The following MSTO1 variants were observed in gnomAD, a reference collection of about 807,000 sequenced individuals.
MSTO1 encodes misato mitochondrial distribution and morphology regulator 1, also known as protein misato homolog 1.
MSTO1 carries 24 observed loss-of-function variants against 55.7 expected under a neutral mutation model. That is an observed-to-expected ratio of 0.43 (90% confidence interval 0.31 to 0.61). The LOEUF is 0.61. Ranked by LOEUF, MSTO1 falls within the 20% of genes least tolerant of loss-of-function variation. The pLI is 0.09. For missense variants in MSTO1, 363 were observed against 625.7 expected, an observed-to-expected ratio of 0.58 and a Z score of 4.48; for synonymous variants, 162 against 252.8, an observed-to-expected ratio of 0.64 and a Z score of 3.41.
the MSTO1 span, among the ~76,000 whole-genome samples, chr1:155,597,492 A>G: frequency 6.6e-6 from 1 of 151,728 alleles, no homozygotes; most frequent in East Asian, 2.0e-4. Flanking sequence ...GGATTGATGT[A>G]GGATTTGACA....
the MSTO1 span, among the ~76,000 whole-genome samples, chr1:155,578,336 CTTT>C: frequency 3.9e-3 from 172 of 44,260 alleles, no homozygotes; most frequent in African/African-American, 0.016. Flanking sequence ...AACTACCTTT[CTTT>C]TTTTTTTTTT....
At chr1:155,591,299 G>A in the MSTO1 span, 1 of 1,481,028 alleles carries the variant, frequency 6.8e-7, no homozygotes, top group South Asian at 1.3e-5. Flanking sequence ...AAGGAGATAT[G>A]CGAAATTCCT....
chr1:155,604,244 C>T, the MSTO1 span, among the ~76,000 whole-genome samples: 3 of 152,156 alleles, frequency 2.0e-5, no homozygotes, highest in African/African-American at 7.2e-5. Flanking sequence ...CTGGCCTCAC[C>T]TTCCACCTAT....
At chr1:155,580,082 A>G in the MSTO1 span, among the ~76,000 whole-genome samples, 5 of 140,036 alleles carry the variant, frequency 3.6e-5, no homozygotes, top group Non-Finnish European at 7.7e-5. Context: ...TCTCAAAAAG[A>G]AAAAAAAAAA....
chr1:155,578,816 G>A, the MSTO1 span, among the ~76,000 whole-genome samples: 1 of 143,588 alleles, frequency 7.0e-6, no homozygotes, highest in East Asian at 2.1e-4. Flanking sequence ...GGCCCTGTGT[G>A]GTTTTTTTTT....
At chr1:155,598,875 C>G in the MSTO1 span, 3 of 1,455,752 alleles carry the variant, frequency 2.1e-6, no homozygotes, top group African/African-American at 4.2e-5. Flanking sequence ...TTATTCATTT[C>G]TGTGCAAAAC....
the MSTO1 span, among the ~76,000 whole-genome samples, chr1:155,565,873 GAAT>G: frequency 6.6e-6 from 1 of 152,170 alleles, no homozygotes; most frequent in East Asian, 1.9e-4. Context: ...AATGAAGATA[GAAT>G]AATGGTTTCC....
At chr1:155,595,801 A>C in the MSTO1 span, among the ~76,000 whole-genome samples, 1 of 152,080 alleles carries the variant, frequency 6.6e-6, no homozygotes, top group African/African-American at 2.4e-5. Context: ...TCTAATAACC[A>C]ATCTGGTGCT....
upstream of MSTO1, among the ~76,000 whole-genome samples, chr1:155,606,886 G>A (rs534652066): frequency 1.1e-3 from 160 of 152,178 alleles, 1 homozygote; most frequent in African/African-American, 3.7e-3. Flanking sequence ...ACAGGCTGGA[G>A]TGCAGTGGCC....
At chr1:155,587,536 G>A in the MSTO1 span, among the ~76,000 whole-genome samples, 38 of 150,868 alleles carry the variant, frequency 2.5e-4, 2 homozygotes, top group East Asian at 4.1e-3. Context: ...GAGGTCAGGA[G>A]ATCGAGACCA....
chr1:155,607,305 G>A (rs1184535818), upstream of MSTO1, among the ~76,000 whole-genome samples: 1 of 152,018 alleles, frequency 6.6e-6, no homozygotes, highest in East Asian at 1.9e-4. Context: ...CTCTCAAGTA[G>A]CTGGGATTAC....
chr1:155,563,394 AG>A, the MSTO1 span: 1 of 456,646 alleles, frequency 2.2e-6, no homozygotes, highest in Non-Finnish European at 4.4e-6. Flanking sequence ...CCGGACCTCC[AG>A]GAGGTAGGGA....
the MSTO1 span, among the ~76,000 whole-genome samples, chr1:155,595,720 C>T: frequency 2.6e-5 from 4 of 151,354 alleles, no homozygotes. Context: ...GTCTCGATCT[C>T]CCGATCTTGG....
the MSTO1 span, among the ~76,000 whole-genome samples, chr1:155,587,939 C>T: frequency 1.3e-5 from 2 of 151,924 alleles, no homozygotes; most frequent in Non-Finnish European, 2.9e-5. Context: ...GGCGCGGTGG[C>T]TCACACCTGT....
chr1:155,568,064 A>G, the MSTO1 span, among the ~76,000 whole-genome samples: 1 of 149,088 alleles, frequency 6.7e-6, no homozygotes. Context: ...TATTTATTTT[A>G]TTTTATTTTA....
At position 155,614,459 on chromosome 1, in the gene MSTO1, G is replaced by A; in HGVS notation, c.*186G>A. 4 of 608,566 alleles carry A rather than the reference G, an allele frequency of 6.6e-6. No individual in the cohort carries two copies. In the Admixed American group the frequency reaches 8.8e-5, roughly 13 times the overall value. The allele number at this position is 608,566 out of a possible 1,614,324, so 37.7% of individuals were successfully genotyped here. On this transcript the variant is annotated 3_prime_UTR_variant, in exon 14 of 14. Transcript: ENST00000245564. ...ATATGTGCCATCAGACCAAAAAAAA[G>A]TAGAGAAAGGAGCTGAACTCCACTC...
the MSTO1 span, among the ~76,000 whole-genome samples, chr1:155,573,659 G>A: frequency 6.6e-6 from 1 of 151,936 alleles, no homozygotes; most frequent in Non-Finnish European, 1.5e-5. Flanking sequence ...CCAACATGGT[G>A]AAACCCTGAC....
the MSTO1 span, chr1:155,598,851 C>T: frequency 7.7e-6 from 11 of 1,429,068 alleles, no homozygotes; most frequent in African/African-American, 1.4e-5. Flanking sequence ...GAAAAACACT[C>T]GGTCTTTGCC....
the MSTO1 span, among the ~76,000 whole-genome samples, chr1:155,579,884 A>G: frequency 1.3e-5 from 2 of 151,800 alleles, no homozygotes; most frequent in Non-Finnish European, 2.9e-5. Flanking sequence ...TTGAGACCAG[A>G]CTGGCCAAAA....
Sources: gnomAD v4.1 joint callset for allele counts (sites outside exome capture counted in the v4.1 genomes callset) on GRCh38, gnomAD v4.1.1 for gene constraint, MANE v1.5 for transcripts, NCBI Gene and HGNC (gene_info 2026-07-23, HGNC 2026-07-21) for gene names.